Variants in HHAT observed in about 807,000 individuals in gnomAD.
The protein encoded by HHAT is protein-cysteine N-palmitoyltransferase HHAT.
Under a neutral mutation model 70.8 loss-of-function variants are expected in HHAT, and 47 were observed. The observed-to-expected ratio is 0.66, with a 90% CI of 0.53 to 0.85. The LOEUF (loss-of-function observed/expected upper bound fraction) is 0.85, where lower values mean the gene tolerates loss of function less well. Among genes scored for constraint, HHAT ranks in the 40% least tolerant of loss-of-function variants. The pLI, the probability that HHAT is intolerant of heterozygous loss-of-function variation, is 0.00. For synonymous variants in HHAT, 228 were observed against 247.6 expected (o/e 0.92, Z 0.74); for missense variants, 609 against 604.8 (o/e 1.01, Z -0.07).
intron 11 of HHAT, among the ~76,000 whole-genome samples, chr1:210,649,273 G>T (rs543801956): frequency 2.0e-5 from 3 of 152,180 alleles, no homozygotes; most frequent in Non-Finnish European, 4.4e-5. Flanking sequence ...TACTTTCTTT[G>T]TCTAAGTGAG....
At chr1:210,442,165 AC>A (rs977189283) in intron 7 of HHAT, among the ~76,000 whole-genome samples, 1 of 145,138 alleles carries the variant, frequency 6.9e-6, no homozygotes, top group Non-Finnish European at 1.5e-5. Context: ...CCATGTCCCT[AC>A]AAAGGACATG....
In HHAT at chr1:210,451,460, C is replaced by T. The variant is rs954489021; in HGVS notation, c.857-13045C>T. Among the ~76,000 whole-genome samples, 16 of 152,120 alleles carry T rather than the reference C, an allele frequency of 1.1e-4. 1 individual carries two copies. Among genetic ancestry groups the T allele is most frequent in the Admixed American group, 2.6e-4 (4 of 15,292 alleles). On this transcript the variant is annotated intron_variant, in intron 7 of 11. Transcript: ENST00000261458. ...CGAGAAAGGTGACTTTTTTTCTTTTCTATACCTGAAAATCAGAAAATATTA... is the reference window on the plus strand; with the variant it reads ...CGAGAAAGGTGACTTTTTTTCTTTTTTATACCTGAAAATCAGAAAATATTA...
chr1:210,451,087 CAA>C (rs36045825), intron 7 of HHAT, among the ~76,000 whole-genome samples: 1,479 of 91,634 alleles, frequency 0.016, 24 homozygotes, highest in South Asian at 0.084. Flanking sequence ...ACTCCATCTC[CAA>C]AAAAAAAAAA....
At chr1:210,378,373 G>A (rs6540591) in intron 3 of HHAT, among the ~76,000 whole-genome samples, 1 of 152,090 alleles carries the variant, frequency 6.6e-6, no homozygotes, top group Non-Finnish European at 1.5e-5. Flanking sequence ...AATAGGTACA[G>A]AAACATGTAT....
At chr1:210,532,570 GC>G (rs753778188) in intron 9 of HHAT, among the ~76,000 whole-genome samples, 16 of 152,168 alleles carry the variant, frequency 1.1e-4, no homozygotes, top group Non-Finnish European at 2.1e-4. Context: ...CTTGACTAAA[GC>G]AGGCAAATTC....
chr1:210,407,142 G>T (rs1293709207), intron 6 of HHAT, among the ~76,000 whole-genome samples: 2 of 152,104 alleles, frequency 1.3e-5, no homozygotes, highest in African/African-American at 4.8e-5. Flanking sequence ...CTTTAAAGGG[G>T]CAGGGGGTTA....
chr1:210,334,177 C>CTTTTTT (rs1342123521), intron 1 of HHAT, among the ~76,000 whole-genome samples: 3 of 34,548 alleles, frequency 8.7e-5, no homozygotes, highest in African/African-American at 1.6e-4. Context: ...TTTAGCGTGT[C>CTTTTTT]ATTTTTTTTT....
chr1:210,334,014 A>G (rs567849152), intron 1 of HHAT, among the ~76,000 whole-genome samples: 1 of 151,896 alleles, frequency 6.6e-6, no homozygotes, highest in African/African-American at 2.4e-5. Flanking sequence ...TGAAATGCTA[A>G]TTTTCAGCCA....
intron 9 of HHAT, among the ~76,000 whole-genome samples, chr1:210,542,496 A>AAAATATAT (rs56743887): frequency 4.0e-5 from 6 of 149,510 alleles, no homozygotes; most frequent in Middle Eastern, 3.5e-3. Flanking sequence ...TTAAAAAAAA[A>AAAATATAT]ATATATATAT....
chr1:210,670,238 GC>G, intron 11 of HHAT, among the ~76,000 whole-genome samples: 1 of 152,288 alleles, frequency 6.6e-6, no homozygotes, highest in South Asian at 2.1e-4. Flanking sequence ...GCCTACCCCT[GC>G]CCCCCTGGGC....
chr1:210,576,809 C>T (rs2148753386), intron 9 of HHAT, among the ~76,000 whole-genome samples: 1 of 152,274 alleles, frequency 6.6e-6, no homozygotes, highest in African/African-American at 2.4e-5. Context: ...TATCCATGGG[C>T]ACAGCATATC....
intron 1 of HHAT, among the ~76,000 whole-genome samples, chr1:210,331,969 A>C (rs1165906366): frequency 6.6e-6 from 1 of 152,194 alleles, no homozygotes; most frequent in Non-Finnish European, 1.5e-5. Flanking sequence ...AAGCCATCCC[A>C]CTTCTGTGTA....
At chr1:210,655,553 G>A (rs1022202488) in intron 11 of HHAT, among the ~76,000 whole-genome samples, 15 of 152,184 alleles carry the variant, frequency 9.9e-5, no homozygotes, top group African/African-American at 2.9e-4. Context: ...GCCTGGGCTC[G>A]GAGCACCCAC....
chr1:210,639,439 A>G (rs992600730), intron 11 of HHAT, among the ~76,000 whole-genome samples: 1 of 152,218 alleles, frequency 6.6e-6, no homozygotes, highest in Non-Finnish European at 1.5e-5. Flanking sequence ...CTCCAGAGGA[A>G]ATGCTCTTTA....
At chr1:210,367,831 C>T (rs2089150129) in intron 3 of HHAT, among the ~76,000 whole-genome samples, 1 of 152,128 alleles carries the variant, frequency 6.6e-6, no homozygotes, top group Admixed American at 6.5e-5. Flanking sequence ...AAGGGCTGTT[C>T]AGACTCCATA....
chr1:210,595,186 A>T (rs139509498), intron 10 of HHAT, among the ~76,000 whole-genome samples: 1 of 152,010 alleles, frequency 6.6e-6, no homozygotes, highest in African/African-American at 2.4e-5. Context: ...TCATTGTTCA[A>T]TTCCCACCTA....
At chr1:210,524,927 C>G (rs879699728) in intron 9 of HHAT, among the ~76,000 whole-genome samples, 2 of 152,008 alleles carry the variant, frequency 1.3e-5, no homozygotes, top group African/African-American at 4.8e-5. Flanking sequence ...TGAACATTAA[C>G]TTGGAGGCAG....
intron 8 of HHAT, among the ~76,000 whole-genome samples, chr1:210,495,004 G>GC (rs1036455664): frequency 4.5e-4 from 69 of 152,190 alleles, no homozygotes; most frequent in African/African-American, 1.6e-3. Context: ...TAGTACGACT[G>GC]CCAAGGGCAT....
chr1:210,513,986 T>C (rs1266950569), intron 9 of HHAT, among the ~76,000 whole-genome samples: 2 of 152,246 alleles, frequency 1.3e-5, no homozygotes, highest in Non-Finnish European at 2.9e-5. Context: ...TAATTCTGAC[T>C]AATAGCCTGA....
Sources: allele counts gnomAD v4.1 joint callset (sites outside exome capture counted in the v4.1 genomes callset), GRCh38; gene constraint gnomAD v4.1.1; transcripts MANE v1.5; gene names NCBI Gene and HGNC (gene_info 2026-07-23, HGNC 2026-07-21).